LANCL2: variants seen among roughly 807,000 people sequenced by gnomAD.
LANCL2 encodes the protein lanC-like protein 2.
Under a neutral mutation model 56.9 loss-of-function variants are expected in LANCL2, and 33 were observed. That is an observed-to-expected ratio of 0.58 (90% CI 0.44 to 0.78). LANCL2 has a LOEUF of 0.78. Among genes scored for constraint, LANCL2 ranks in the 30% least tolerant of loss-of-function variants. The pLI is 0.00. For missense variants in LANCL2, 562 were observed against 580.2 expected, an observed-to-expected ratio of 0.97 and a Z score of 0.32; for synonymous variants, 233 against 228.2, an observed-to-expected ratio of 1.02 and a Z score of -0.19.
chr7:55,372,306 A>G (rs1789952274), intron 1 of LANCL2, among the ~76,000 whole-genome samples: 1 of 152,216 alleles, frequency 6.6e-6, no homozygotes, highest in Non-Finnish European at 1.5e-5. Flanking sequence ...TAGAGCAGGT[A>G]ACAGTTTTAA....
At chr7:55,401,541 T>C (rs1163289691) in intron 5 of LANCL2, among the ~76,000 whole-genome samples, 15 of 58,190 alleles carry the variant, frequency 2.6e-4, no homozygotes, top group Middle Eastern at 9.8e-3. Context: ...TTTTTTTTTT[T>C]CCAATTTTCT....
chr7:55,417,371 T>C (rs997151326), intron 6 of LANCL2, among the ~76,000 whole-genome samples: 37 of 152,192 alleles, frequency 2.4e-4, no homozygotes, highest in African/African-American at 8.2e-4. Context: ...TGATTTTGGT[T>C]CCTCTATCAA....
At chr7:55,414,612 G>T (rs903629599) in intron 6 of LANCL2, among the ~76,000 whole-genome samples, 1 of 152,072 alleles carries the variant, frequency 6.6e-6, no homozygotes, top group Admixed American at 6.6e-5. Context: ...ATTTAGTAGG[G>T]TATATACTCT....
intron 6 of LANCL2, 76 bp downstream of exon 6, chr7:55,412,165 G>C: frequency 1.4e-5 from 19 of 1,381,816 alleles, no homozygotes; most frequent in Non-Finnish European, 1.9e-5. Flanking sequence ...GTCTTGCTTT[G>C]GTAAGGCCAT....
chr7:55,421,121 A>G (rs186979804), intron 6 of LANCL2, among the ~76,000 whole-genome samples: 7 of 152,288 alleles, frequency 4.6e-5, no homozygotes, highest in African/African-American at 1.4e-4. Flanking sequence ...GACTTGTGTT[A>G]TAGCTAGTCT....
At chr7:55,380,382 G>A (rs1313527218) in intron 1 of LANCL2, among the ~76,000 whole-genome samples, 2 of 150,434 alleles carry the variant, frequency 1.3e-5, no homozygotes, top group East Asian at 1.9e-4. Flanking sequence ...TATGCAGCTG[G>A]AGTGCAACAA....
chr7:55,402,454 G>C (rs1583755585), intron 5 of LANCL2, among the ~76,000 whole-genome samples: 3 of 142,790 alleles, frequency 2.1e-5, no homozygotes, highest in African/African-American at 7.8e-5. Context: ...TCCCGGACGG[G>C]GCGGCTGGCC....
chr7:55,401,449 C>A, intron 5 of LANCL2, 129 bp downstream of exon 5: 1 of 609,250 alleles, frequency 1.6e-6, no homozygotes, highest in Non-Finnish European at 2.7e-6. Context: ...GTAACTCTGC[C>A]ACATAAACCA....
chr7:55,368,335 G>A (rs1045460720), intron 1 of LANCL2, among the ~76,000 whole-genome samples: 6 of 152,234 alleles, frequency 3.9e-5, no homozygotes, highest in East Asian at 1.9e-4. Context: ...AATGGGGCTT[G>A]TGATATCTCT....
chr7:55,373,055 C>G (rs1789962551), intron 1 of LANCL2, among the ~76,000 whole-genome samples: 1 of 152,112 alleles, frequency 6.6e-6, no homozygotes. Flanking sequence ...CACCTTTGGG[C>G]CTCAGCAAGA....
chr7:55,430,912 A>T lies in LANCL2; in HGVS notation c.1259-314A>T, dbSNP rs815987. Among the ~76,000 whole-genome samples the T allele has an allele frequency of 4.7e-3, 714 of 152,288 alleles. 10 individuals are homozygous for T. Among genetic ancestry groups the T allele is most frequent in the African/African-American group, 0.016 (666 of 41,574 alleles). On this transcript the variant is annotated intron_variant, in intron 8 of 8. Coordinates refer to ENST00000254770, the MANE Select transcript of LANCL2 (RefSeq NM_018697.4). ...CAGGCTCTGAGGGGAAGCTCCGTGTATAGGAATATCGTAATTAGCAGCATC... is the reference window on the plus strand; with the variant it reads ...CAGGCTCTGAGGGGAAGCTCCGTGTTTAGGAATATCGTAATTAGCAGCATC...
At chr7:55,397,677 T>TTA (rs1275129464) in intron 2 of LANCL2, among the ~76,000 whole-genome samples, 1 of 144,242 alleles carries the variant, frequency 6.9e-6, no homozygotes, top group African/African-American at 2.7e-5. Context: ...TTTTTTTTTT[T>TTA]ACTTAGCTGT....
At chr7:55,383,633 A>G (rs74971062) in intron 1 of LANCL2, among the ~76,000 whole-genome samples, 7,714 of 152,224 alleles carry the variant, frequency 0.051, 658 homozygotes, top group African/African-American at 0.17. Context: ...TTATTACAAG[A>G]AAAAAACAGC....
chr7:55,397,662 T>TTTA (rs927428021), intron 2 of LANCL2, among the ~76,000 whole-genome samples: 1 of 147,818 alleles, frequency 6.8e-6, no homozygotes, highest in African/African-American at 2.5e-5. Context: ...GATTCTTTTT[T>TTTA]TTTTTTTTTT....
At chr7:55,384,786 A>T (rs1467777062) in intron 1 of LANCL2, among the ~76,000 whole-genome samples, 1 of 152,330 alleles carries the variant, frequency 6.6e-6, no homozygotes, top group East Asian at 1.9e-4. Context: ...GAAAGAAACT[A>T]GTATCCAGAA....
At chr7:55,430,792 A>G (rs1461681623) in intron 8 of LANCL2, among the ~76,000 whole-genome samples, 1 of 152,190 alleles carries the variant, frequency 6.6e-6, no homozygotes, top group Admixed American at 6.5e-5. Flanking sequence ...AATTACTGCA[A>G]TGATTTGGGG....
At chr7:55,371,718 G>A (rs1163769238) in intron 1 of LANCL2, among the ~76,000 whole-genome samples, 1 of 152,060 alleles carries the variant, frequency 6.6e-6, no homozygotes, top group Non-Finnish European at 1.5e-5. Context: ...AGGAAAACTT[G>A]TCTGTAATTT....
chr7:55,404,407 G>A (rs1472559160), intron 5 of LANCL2, among the ~76,000 whole-genome samples: 3 of 152,076 alleles, frequency 2.0e-5, no homozygotes, highest in African/African-American at 7.2e-5. Context: ...ATCTTAGACT[G>A]GAAAACCTAT....
intron 6 of LANCL2, among the ~76,000 whole-genome samples, chr7:55,416,359 C>T (rs558502657): frequency 3.3e-5 from 5 of 152,026 alleles, no homozygotes; most frequent in Non-Finnish European, 5.9e-5. Flanking sequence ...GATCTTGGCT[C>T]ACTGTAGCCT....
Sources: allele counts gnomAD v4.1 joint callset (sites outside exome capture counted in the v4.1 genomes callset), GRCh38; gene constraint gnomAD v4.1.1; transcripts MANE v1.5; gene names NCBI Gene and HGNC (gene_info 2026-07-23, HGNC 2026-07-21).